NTM: variants seen among roughly 807,000 people sequenced by gnomAD.
NTM encodes the protein neurotrimin.
In NTM, 13 loss-of-function variants were observed where a neutral mutation model predicts 42.1. The ratio of observed to expected loss-of-function variants is 0.31; its 90% CI spans 0.20 to 0.49. NTM has a LOEUF of 0.49. Ranked by LOEUF, NTM falls within the 20% of genes least tolerant of loss-of-function variation. The pLI is 0.99. For synonymous variants in NTM, 187 were observed against 179.2 expected (o/e 1.04, Z -0.35); for missense variants, 373 against 452.8 (o/e 0.82, Z 1.60).
chr11:131,651,943 G>A (rs2066549889), intron 1 of NTM, among the ~76,000 whole-genome samples: 1 of 151,774 alleles, frequency 6.6e-6, no homozygotes, highest in African/African-American at 2.4e-5. Context: ...GCTGTTCTGA[G>A]GTCAGGGAAC....
At chr11:132,020,639 A>AC (rs397848565) in intron 2 of NTM, among the ~76,000 whole-genome samples, 1 of 151,424 alleles carries the variant, frequency 6.6e-6, no homozygotes, top group Non-Finnish European at 1.5e-5. Flanking sequence ...TTGAAAAAAA[A>AC]GGTTTTTCTG....
intron 7 of NTM, among the ~76,000 whole-genome samples, chr11:132,319,842 G>A (rs549376571): frequency 7.2e-5 from 11 of 152,332 alleles, no homozygotes; most frequent in African/African-American, 1.7e-4. Context: ...CCTGACCCCC[G>A]AGTAGCCTAA....
At position 132,146,755 on chromosome 11, in the gene NTM, T is replaced by C. The variant is rs2070502429; in HGVS notation, c.400+241T>C. On this transcript the variant is annotated intron_variant, in intron 3 of 8. Transcript: ENST00000683400. This position sits in a 1 kb window ranked among gnomAD's most constrained non-coding sequence, Gnocchi z 4.5. The stretch of plus-strand genomic sequence containing the variant: ...CCAATAATATATTTTCTCAGGAAAT[T>C]ATCTTGTAATTATTGCTCTTCTTGG... 2.2e-6 allele frequency: 1 copy of C among 459,576 alleles called. No homozygotes were observed. Among genetic ancestry groups the C allele is most frequent in the African/African-American group, 2.0e-5 (1 of 50,430 alleles). 28.5% of individuals were successfully genotyped at this position (459,576 alleles called of 1,614,324 possible).
chr11:131,693,924 C>A (rs2075109388), intron 1 of NTM, among the ~76,000 whole-genome samples: 2 of 152,334 alleles, frequency 1.3e-5, no homozygotes, highest in South Asian at 4.1e-4. Context: ...CTCTGGAGAC[C>A]TGTCTCTTTC....
intron 1 of NTM, among the ~76,000 whole-genome samples, chr11:131,753,838 C>G (rs2082913624): frequency 6.6e-6 from 1 of 151,166 alleles, no homozygotes; most frequent in African/African-American, 2.4e-5. Context: ...CACATGTATA[C>G]ATATGTAACT....
chr11:131,413,193 G>A (rs1039537281), intron 1 of NTM, among the ~76,000 whole-genome samples: 6 of 152,136 alleles, frequency 3.9e-5, no homozygotes, highest in Non-Finnish European at 5.9e-5. Context: ...TAACCTCCTC[G>A]GAGAAGTCAC....
intron 1 of NTM, among the ~76,000 whole-genome samples, chr11:131,580,813 A>T (rs1262823775): frequency 6.6e-6 from 1 of 152,178 alleles, no homozygotes; most frequent in East Asian, 1.9e-4. Context: ...GTAGAGATGA[A>T]AAAAGAATCT....
intron 2 of NTM, among the ~76,000 whole-genome samples, chr11:131,959,682 C>A (rs956335928): frequency 2.0e-5 from 3 of 152,136 alleles, no homozygotes; most frequent in African/African-American, 7.2e-5. Context: ...AGTAAACCAC[C>A]TCATCAACCA....
intron 1 of NTM, among the ~76,000 whole-genome samples, chr11:131,896,635 G>A (rs2052303747): frequency 6.6e-6 from 1 of 150,984 alleles, no homozygotes; most frequent in Admixed American, 6.6e-5. Context: ...TTAAAACCTG[G>A]CAAGAATATC....
At chr11:132,197,009 G>T (rs1240618382) in intron 3 of NTM, among the ~76,000 whole-genome samples, 1 of 152,212 alleles carries the variant, frequency 6.6e-6, no homozygotes, top group Non-Finnish European at 1.5e-5. Context: ...TCAAAGGGAG[G>T]TTAAGGCTGA....
At chr11:131,903,254 T>C (rs1273582036) in intron 1 of NTM, among the ~76,000 whole-genome samples, 2 of 152,224 alleles carry the variant, frequency 1.3e-5, no homozygotes, top group African/African-American at 2.4e-5. Flanking sequence ...AGTGTGTAAA[T>C]ATTCTCTTTA....
At chr11:131,429,456 C>T (rs1948474025) in intron 1 of NTM, among the ~76,000 whole-genome samples, 1 of 151,974 alleles carries the variant, frequency 6.6e-6, no homozygotes, top group East Asian at 1.9e-4. Flanking sequence ...ATTTAGGAAC[C>T]CAGATTTGAG....
chr11:131,838,655 G>A (rs1939378), intron 1 of NTM, among the ~76,000 whole-genome samples: 15,403 of 152,176 alleles, frequency 0.1, 1,106 homozygotes, highest in East Asian at 0.36. Context: ...GGTTGTGTGT[G>A]CGTACAATGT....
At chr11:132,064,759 C>T (rs2081188353) in intron 2 of NTM, among the ~76,000 whole-genome samples, 1 of 152,174 alleles carries the variant, frequency 6.6e-6, no homozygotes, top group African/African-American at 2.4e-5. Context: ...GTTCTTCAGG[C>T]TAACAACTTC....
At chr11:132,095,207 A>G (rs113227837) in intron 2 of NTM, among the ~76,000 whole-genome samples, 496 of 152,244 alleles carry the variant, frequency 3.3e-3, no homozygotes, top group Non-Finnish European at 6.0e-3. Context: ...TGAGCTCTTC[A>G]TCTGCTGCTC....
At chr11:131,596,892 G>A (rs1370243739) in intron 1 of NTM, among the ~76,000 whole-genome samples, 1 of 152,204 alleles carries the variant, frequency 6.6e-6, no homozygotes, top group Non-Finnish European at 1.5e-5. Context: ...AGGCTGAGGA[G>A]CAAAGAGAGC....
chr11:131,530,903 C>CT (rs1482609755), intron 1 of NTM, among the ~76,000 whole-genome samples: 3 of 152,088 alleles, frequency 2.0e-5, no homozygotes, highest in Admixed American at 1.3e-4. Flanking sequence ...CTATACCTTG[C>CT]TAGAGGTGGG....
intron 1 of NTM, among the ~76,000 whole-genome samples, chr11:131,819,825 C>T (rs1200639244): frequency 6.6e-6 from 1 of 152,218 alleles, no homozygotes; most frequent in Non-Finnish European, 1.5e-5. Context: ...CTGTGTGTCT[C>T]TGCCCTCCCA....
chr11:131,580,901 A>G (rs2058349042), intron 1 of NTM, among the ~76,000 whole-genome samples: 1 of 152,308 alleles, frequency 6.6e-6, no homozygotes, highest in South Asian at 2.1e-4. Flanking sequence ...GGGAAGTCGC[A>G]AAAGTTCTCT....
Sources: gnomAD v4.1 joint callset for allele counts (sites outside exome capture counted in the v4.1 genomes callset) on GRCh38, gnomAD v4.1.1 for gene constraint, Gnocchi (gnomAD v3.1) non-coding constraint, MANE v1.5 for transcripts, NCBI Gene and HGNC (gene_info 2026-07-23, HGNC 2026-07-21) for gene names.